The following UNC13C variants were observed in gnomAD, a reference collection of about 807,000 sequenced individuals.
UNC13C encodes the protein unc-13 homolog C.
UNC13C carries 174 observed loss-of-function variants against 245.4 expected under a neutral mutation model. The observed-to-expected ratio is 0.71, with a 90% confidence interval of 0.63 to 0.80. The LOEUF (loss-of-function observed/expected upper bound fraction) is 0.80, where lower values mean the gene tolerates loss of function less well. Ranked by LOEUF, UNC13C falls within the 30% of genes least tolerant of loss-of-function variation. The pLI is 0.00. For synonymous variants in UNC13C, 992 were observed against 895.1 expected, an observed-to-expected ratio of 1.11 and a Z score of -1.93; for missense variants, 2,829 against 2,602.9, an observed-to-expected ratio of 1.09 and a Z score of -1.89.
chr15:53,868,832 A>T, the UNC13C span, among the ~76,000 whole-genome samples: 3 of 152,194 alleles, frequency 2.0e-5, no homozygotes, highest in Admixed American at 6.5e-5. Context: ...TAAAAACAAG[A>T]ATGGGTGGGG....
At chr15:54,614,760 ACATTTTGC>A (rs1468065070) in intron 30 of UNC13C, among the ~76,000 whole-genome samples, 1 of 151,936 alleles carries the variant, frequency 6.6e-6, no homozygotes, top group Non-Finnish European at 1.5e-5. Context: ...ATATACTTAG[ACATTTTGC>A]CCTTTATCTG....
At chr15:53,905,627 A>G in the UNC13C span, among the ~76,000 whole-genome samples, 1 of 151,970 alleles carries the variant, frequency 6.6e-6, no homozygotes, top group Admixed American at 6.6e-5. Flanking sequence ...GGGTTGGGGG[A>G]AGTGGGGAGA....
At chr15:54,202,992 A>G (rs892320018) in intron 4 of UNC13C, among the ~76,000 whole-genome samples, 4 of 151,838 alleles carry the variant, frequency 2.6e-5, no homozygotes, top group Admixed American at 6.6e-5. Context: ...CTATCAAAAA[A>G]TGGGCTAAGG....
At chr15:54,385,139 T>C (rs2039809630) in intron 17 of UNC13C, among the ~76,000 whole-genome samples, 1 of 152,048 alleles carries the variant, frequency 6.6e-6, no homozygotes, top group African/African-American at 2.4e-5. Context: ...GGGAAACATG[T>C]ACTCATGTAT....
chr15:53,958,491 A>G, the UNC13C span, among the ~76,000 whole-genome samples: 1 of 152,182 alleles, frequency 6.6e-6, no homozygotes, highest in Non-Finnish European at 1.5e-5. Flanking sequence ...AAGAGAAACT[A>G]GAAAGGGCTG....
intron 4 of UNC13C, among the ~76,000 whole-genome samples, chr15:54,204,403 A>C (rs965302778): frequency 6.6e-6 from 1 of 151,808 alleles, no homozygotes; most frequent in African/African-American, 2.4e-5. Context: ...CGATATTAAC[A>C]GTAGTATAAG....
chr15:54,238,676 C>A (rs972619786), intron 7 of UNC13C, among the ~76,000 whole-genome samples: 1 of 152,096 alleles, frequency 6.6e-6, no homozygotes, highest in African/African-American at 2.4e-5. Flanking sequence ...TTCTTTTAAA[C>A]TCTGATATCC....
the UNC13C span, among the ~76,000 whole-genome samples, chr15:53,931,291 C>T: frequency 2.0e-4 from 30 of 152,122 alleles, no homozygotes; most frequent in Admixed American, 3.3e-4. Context: ...GCCTCAGCCT[C>T]CTGAGTAGCT....
At chr15:54,583,011 C>T (rs780565029) in intron 30 of UNC13C, among the ~76,000 whole-genome samples, 10 of 152,054 alleles carry the variant, frequency 6.6e-5, no homozygotes, top group Admixed American at 1.3e-4. Context: ...ACAGATTGCT[C>T]GGTTACACTC....
At chr15:54,479,685 G>T (rs1239820514) in intron 19 of UNC13C, among the ~76,000 whole-genome samples, 4 of 150,894 alleles carry the variant, frequency 2.7e-5, no homozygotes, top group Non-Finnish European at 5.9e-5. Flanking sequence ...ACAATTTTTT[G>T]GGTTTTCAAA....
intron 13 of UNC13C, among the ~76,000 whole-genome samples, chr15:54,318,022 A>G (rs1206176130): frequency 6.6e-6 from 1 of 151,908 alleles, no homozygotes; most frequent in Non-Finnish European, 1.5e-5. Context: ...ATTTCACATA[A>G]TGTCCTCCAG....
intron 7 of UNC13C, among the ~76,000 whole-genome samples, chr15:54,246,138 G>A (rs1007042823): frequency 6.6e-6 from 1 of 152,106 alleles, no homozygotes; most frequent in Non-Finnish European, 1.5e-5. Flanking sequence ...CAATAGAAAA[G>A]GCAATTCATT....
chr15:53,968,491 T>C, the UNC13C span, among the ~76,000 whole-genome samples: 1 of 152,130 alleles, frequency 6.6e-6, no homozygotes, highest in East Asian at 1.9e-4. Context: ...ACCCAGTATA[T>C]TGGGTGACAA....
intron 4 of UNC13C, among the ~76,000 whole-genome samples, chr15:54,201,903 A>G (rs1214849168): frequency 6.6e-6 from 1 of 152,002 alleles, no homozygotes; most frequent in East Asian, 1.9e-4. Context: ...GTGATTGTAT[A>G]CCTAGAAAAC....
rs188945853 is a variant in UNC13C, at chr15:54,498,308, A to T, written c.5061-1771A>T. Among the ~76,000 whole-genome samples the T allele has an allele frequency of 5.9e-3, 894 of 152,198 alleles. 3 individuals are homozygous for T. The highest frequency in any genetic ancestry group is 8.8e-3 in the Non-Finnish European group (598 of 68,000). On this transcript the variant is annotated intron_variant, in intron 20 of 32. Transcript: ENST00000260323. Reference sequence around the variant, plus strand: ...CTGAGCCATAAAACAAAACTAATACATGTTAAGGGGAGAAATCATGTATTA... The same window carrying T: ...CTGAGCCATAAAACAAAACTAATACTTGTTAAGGGGAGAAATCATGTATTA...
chr15:54,295,157 T>C (rs1258277801), intron 11 of UNC13C, among the ~76,000 whole-genome samples: 2 of 152,156 alleles, frequency 1.3e-5, no homozygotes, highest in Non-Finnish European at 2.9e-5. Context: ...TTAAATGACT[T>C]CGTATATGAA....
intron 30 of UNC13C, among the ~76,000 whole-genome samples, chr15:54,572,597 T>C (rs1450160249): frequency 2.6e-5 from 4 of 151,888 alleles, no homozygotes; most frequent in Admixed American, 2.0e-4. Context: ...GGCATTTTTG[T>C]ATTTTTTTTA....
At chr15:54,037,067 G>C (rs1319835183) in intron 2 of UNC13C, among the ~76,000 whole-genome samples, 4 of 152,214 alleles carry the variant, frequency 2.6e-5, no homozygotes, top group African/African-American at 9.6e-5. Flanking sequence ...TAGCATTAAG[G>C]GGAGACCTGT....
chr15:54,382,552 G>C (rs2039749033), intron 17 of UNC13C, among the ~76,000 whole-genome samples: 1 of 151,988 alleles, frequency 6.6e-6, no homozygotes, highest in Non-Finnish European at 1.5e-5. Context: ...CCTCCAGCTT[G>C]GGTGACAGAG....
Sources: allele counts gnomAD v4.1 joint callset (sites outside exome capture counted in the v4.1 genomes callset), GRCh38; gene constraint gnomAD v4.1.1; transcripts MANE v1.5; gene names NCBI Gene and HGNC (gene_info 2026-07-23, HGNC 2026-07-21).